Variants in MMD2 observed in about 807,000 individuals in gnomAD.
The protein encoded by MMD2 is monocyte to macrophage differentiation associated 2, also known as monocyte to macrophage differentiation factor 2.
MMD2 carries 30 observed loss-of-function variants against 33.5 expected under a neutral mutation model. That is an observed-to-expected ratio of 0.90 (90% CI 0.67 to 1.22). The LOEUF (loss-of-function observed/expected upper bound fraction) is 1.22, where lower values mean the gene tolerates loss of function less well. MMD2 is among the 50% of genes most tolerant of loss of function. The probability of loss-of-function intolerance (pLI) is 0.00; values close to 1 mark genes in which losing one functional copy is unlikely to be tolerated. For synonymous variants in MMD2, 129 were observed against 123.0 expected, an observed-to-expected ratio of 1.05 and a Z score of -0.32; for missense variants, 364 against 325.4, an observed-to-expected ratio of 1.12 and a Z score of -0.91.
intron 1 of MMD2, among the ~76,000 whole-genome samples, chr7:4,948,526 C>T (rs760660904): frequency 6.7e-6 from 1 of 148,404 alleles, no homozygotes; most frequent in African/African-American, 2.5e-5. Context: ...TCCGTCTCAC[C>T]GAAAAAAAAA....
intron 2 of MMD2, among the ~76,000 whole-genome samples, chr7:4,921,051 T>A (rs1785270777): frequency 1.3e-5 from 2 of 152,146 alleles, no homozygotes; most frequent in African/African-American, 4.8e-5. Flanking sequence ...GTGGGGCCAG[T>A]GGCTGCCAAC....
intron 1 of MMD2, among the ~76,000 whole-genome samples, chr7:4,927,166 A>G (rs1785454392): frequency 6.6e-6 from 1 of 152,088 alleles, no homozygotes; most frequent in Admixed American, 6.6e-5. Context: ...CGGCCCATGA[A>G]CTTTTTTGTG....
rs1226425418 is a variant in MMD2, at chr7:4,907,562, C to T, written c.575G>A (p.Gly192Glu). Residue 192 changes from glycine to glutamate, a missense_variant, in exon 7 of 7, where the codon GGG becomes GAG. Coordinates refer to ENST00000401401, the MANE Select transcript of MMD2 (RefSeq NM_198403.4). ...TEGIWELVTG[G>E]VFYCLGMVFF... ...GACCATGCCCAGGCAGTAGAAGACC[C>T]CTCCGGTCACCAGCTCCCAGATGCC... 3 of 1,613,034 alleles carry T rather than the reference C, an allele frequency of 1.9e-6. No individual in the cohort carries two copies. Among genetic ancestry groups the T allele is most frequent in the South Asian group, 2.2e-5 (2 of 91,034 alleles).
Position 4,906,889 on chromosome 7 carries a change from T to G in MMD2, c.*507A>C. Reference sequence around the variant, plus strand: ...ACATCACCCATGTGCTGCACTTGATTGGTGATGTCTGCCATGGTCACAGCC... The same window carrying G: ...ACATCACCCATGTGCTGCACTTGATGGGTGATGTCTGCCATGGTCACAGCC... On this transcript the variant is annotated 3_prime_UTR_variant, in exon 7 of 7. Coordinates refer to ENST00000401401, the MANE Select transcript of MMD2 (RefSeq NM_198403.4). The G allele has an allele frequency of 4.0e-6, 1 of 251,900 alleles. No homozygotes were observed. Among genetic ancestry groups the G allele is most frequent in the Non-Finnish European group, 7.6e-6 (1 of 131,406 alleles). The allele number at this position is 251,900 out of a possible 1,614,324, so 15.6% of individuals were successfully genotyped here.
intron 1 of MMD2, among the ~76,000 whole-genome samples, chr7:4,945,213 T>TTCTTCTTCTTCTTCC (rs1554273366): frequency 1.2e-4 from 18 of 144,406 alleles, no homozygotes; most frequent in African/African-American, 4.7e-4. Context: ...CTTCTTCTTC[T>TTCTTCTTCTTCTTCC]TCTTCTTCTT....
intron 1 of MMD2, among the ~76,000 whole-genome samples, chr7:4,949,205 G>A (rs989526713): frequency 6.6e-6 from 1 of 152,002 alleles, no homozygotes; most frequent in African/African-American, 2.4e-5. Flanking sequence ...GTGAGACTCT[G>A]TCTCAAAAAA....
In MMD2 at chr7:4,906,139, G is replaced by A. The variant is rs1583351113; in HGVS notation, c.*1257C>T. 9.7e-6 allele frequency: 2 copies of A among 205,574 alleles called. No homozygotes were observed. Among genetic ancestry groups the A allele is most frequent in the East Asian group, 2.1e-4 (2 of 9,560 alleles). The allele number at this position is 205,574 out of a possible 1,614,324, so 12.7% of individuals were successfully genotyped here. A position where few individuals can be genotyped will look rare whatever the true frequency, so the allele number is the denominator to read the frequency against. On this transcript the variant is annotated 3_prime_UTR_variant, in exon 7 of 7. Transcript: ENST00000401401. ...CCCTGGTTGGGAGTCGCAGAATGAG[G>A]ACCTCCTGACTTGAGACAGATTCTT...
rs371562351 is a variant in MMD2, at chr7:4,946,186, C to T, written c.47+12785G>A. The stretch of plus-strand genomic sequence containing the variant: ...ACACCTGCACACATGCACACACACG[C>T]GCGCACACCCACACACACGCATGCA... On this transcript the variant is annotated intron_variant, in intron 1 of 6. Coordinates refer to ENST00000401401, the MANE Select transcript of MMD2 (RefSeq NM_198403.4). The surrounding 1 kb of genome is among the most constrained non-coding windows in gnomAD (Gnocchi z 5.0). Among the ~76,000 whole-genome samples, 8 of 151,642 alleles carry T rather than the reference C, an allele frequency of 5.3e-5. No homozygotes were observed. Among genetic ancestry groups the T allele is most frequent in the South Asian group, 2.1e-4 (1 of 4,788 alleles).
intron 1 of MMD2, among the ~76,000 whole-genome samples, chr7:4,929,643 G>A (rs567514828): frequency 1.4e-3 from 207 of 151,894 alleles, no homozygotes; most frequent in African/African-American, 4.8e-3. Context: ...TCCTGCCTCA[G>A]CCTCCCTAGC....
chr7:4,920,906 T>G (rs1035711608), intron 2 of MMD2, among the ~76,000 whole-genome samples: 13 of 151,588 alleles, frequency 8.6e-5, no homozygotes, highest in African/African-American at 3.2e-4. Context: ...TTTATAGAGG[T>G]GGGGTCTGGC....
At chr7:4,917,528 T>C (rs576171091) in intron 3 of MMD2, among the ~76,000 whole-genome samples, 17 of 151,804 alleles carry the variant, frequency 1.1e-4, no homozygotes, top group African/African-American at 3.9e-4. Flanking sequence ...CCGTCTCTAC[T>C]AAAAATACAA....
intron 2 of MMD2, among the ~76,000 whole-genome samples, chr7:4,923,698 C>T (rs1785344618): frequency 6.6e-6 from 1 of 152,152 alleles, no homozygotes; most frequent in Non-Finnish European, 1.5e-5. Flanking sequence ...CCTCAGTTTC[C>T]TCCCTTGCAA....
At chr7:4,921,348 C>T (rs894463151) in intron 2 of MMD2, among the ~76,000 whole-genome samples, 7 of 151,922 alleles carry the variant, frequency 4.6e-5, no homozygotes, top group Non-Finnish European at 7.4e-5. Flanking sequence ...CGGCCAGGTG[C>T]GGTGGCTCAC....
chr7:4,929,559 C>T (rs185124073), intron 1 of MMD2, among the ~76,000 whole-genome samples: 1 of 151,592 alleles, frequency 6.6e-6, no homozygotes, highest in African/African-American at 2.4e-5. Context: ...GAGTCTTGCT[C>T]TGTCGCCCAG....
intron 1 of MMD2, among the ~76,000 whole-genome samples, chr7:4,956,995 G>T (rs923430740): frequency 6.6e-6 from 1 of 151,594 alleles, no homozygotes; most frequent in Non-Finnish European, 1.5e-5. Context: ...GCAAGACCCC[G>T]CCTCTATTAA....
intron 3 of MMD2, 30 bp from the exon 4 acceptor site, chr7:4,916,109 G>A: frequency 6.2e-7 from 1 of 1,607,900 alleles, no homozygotes; most frequent in Non-Finnish European, 8.5e-7. Flanking sequence ...GGCAGTCACA[G>A]CCCCTGCACA....
chr7:4,903,224 C>T (rs1227659586), downstream of MMD2, among the ~76,000 whole-genome samples: 6 of 152,052 alleles, frequency 3.9e-5, no homozygotes, highest in East Asian at 1.9e-4. Flanking sequence ...GGCAACAGAG[C>T]GAGACTCCAT....
chr7:4,938,687 G>A (rs752148843), intron 1 of MMD2, among the ~76,000 whole-genome samples: 3 of 152,156 alleles, frequency 2.0e-5, no homozygotes, highest in Non-Finnish European at 4.4e-5. Flanking sequence ...CAGAAGGTAT[G>A]AAAGAAAGCA....
intron 3 of MMD2, among the ~76,000 whole-genome samples, chr7:4,916,846 G>A (rs1292166041): frequency 1.3e-5 from 2 of 152,120 alleles, no homozygotes; most frequent in Non-Finnish European, 2.9e-5. Flanking sequence ...TGAGGCAAGA[G>A]AATTGCTTGA....
Sources: allele counts gnomAD v4.1 joint callset (sites outside exome capture counted in the v4.1 genomes callset), GRCh38; gene constraint gnomAD v4.1.1; non-coding constraint Gnocchi (gnomAD v3.1); transcripts MANE v1.5; gene names NCBI Gene and HGNC (gene_info 2026-07-23, HGNC 2026-07-21).